ATP5MC1: variants seen among roughly 807,000 people sequenced by gnomAD.
ATP5MC1 encodes the protein ATP synthase membrane subunit c locus 1, also known as ATP synthase F(0) complex subunit C1, mitochondrial.
ATP5MC1 carries 4 observed loss-of-function variants against 12.1 expected under a neutral mutation model. That is an observed-to-expected ratio of 0.33 (90% CI 0.16 to 0.76). The LOEUF is 0.76. ATP5MC1 is among the 30% of genes least tolerant of loss of function. ATP5MC1 has a pLI of 0.61. For missense variants in ATP5MC1, 117 were observed against 172.1 expected, an observed-to-expected ratio of 0.68 and a Z score of 1.79; for synonymous variants, 52 against 66.0, an observed-to-expected ratio of 0.79 and a Z score of 1.03.
chr17:48,893,378 A>G, intron 1 of ATP5MC1, 31 bp from the exon 2 acceptor site: 2 of 1,611,562 alleles, frequency 1.2e-6, no homozygotes, highest in Non-Finnish European at 1.7e-6. Context: ...TCTCAGTGGG[A>G]TTATTATTAC....
Position 48,893,466 on chromosome 17 carries a change from C to T in ATP5MC1, c.39+10C>T, listed in dbSNP as rs2143731101. Reference sequence around the variant, plus strand: ...CATTTCTCCAGCTCTGGTAAGGTGCCGCGCCGCAGTGCTCTGTAGTACCAG... The same window carrying T: ...CATTTCTCCAGCTCTGGTAAGGTGCTGCGCCGCAGTGCTCTGTAGTACCAG... On this transcript the variant is annotated intron_variant, in intron 2 of 4. Transcript: ENST00000393366. 1.9e-6 allele frequency: 3 copies of T among 1,613,720 alleles called. No homozygotes were observed. In the East Asian group the frequency reaches 6.7e-5, roughly 36 times the overall value.
intron 3 of ATP5MC1, 155 bp from the exon 4 acceptor site, chr17:48,895,001 C>A: frequency 2.3e-6 from 2 of 875,712 alleles, no homozygotes; most frequent in Non-Finnish European, 3.6e-6. Flanking sequence ...GACTAATTCC[C>A]AGCATACTCT....
At chr17:48,895,536 C>G in intron 4 of ATP5MC1, 119 bp from the exon 5 acceptor site, 1 of 1,279,834 alleles carries the variant, frequency 7.8e-7, no homozygotes, top group Non-Finnish European at 1.1e-6. Flanking sequence ...TCCCCAGGAT[C>G]TGTGCAGGCT....
At chr17:48,894,919 C>CT in intron 3 of ATP5MC1, 1 of 652,222 alleles carries the variant, frequency 1.5e-6, no homozygotes, top group Non-Finnish European at 2.8e-6. Flanking sequence ...AGGTAAGAAA[C>CT]TTATAAAAGT....
At position 48,894,374 on chromosome 17, in the gene ATP5MC1, C is replaced by T. The variant is rs1213151353; in HGVS notation, c.42C>T (p.Ile14=). The change falls in exon 3 of 5, where the codon ATC becomes ATT. Residue 14 remains isoleucine (I), a splice_region_variant and synonymous_variant. Transcript: ENST00000393366. ...GATGTGGCTTTCTGATTTTACAGAT[C>T]CGCTGTTGTACCAGGGGTCTAATCA... ...AGALFISPAL[I]RCCTRGLIRP... is the part of the protein sequence containing the mutation. 1 of 1,613,848 alleles carries T rather than the reference C, an allele frequency of 6.2e-7. No individual in the cohort carries two copies. Among genetic ancestry groups the T allele is most frequent in the Non-Finnish European group, 8.5e-7 (1 of 1,179,920 alleles).
Position 48,894,353 on chromosome 17 carries a change from T to C in ATP5MC1, c.40-19T>C, listed in dbSNP as rs766284135. ...TTTCCTTGACTGATTTGGTAGGATGTGGCTTTCTGATTTTACAGATCCGCT... is the reference window on the plus strand; with the variant it reads ...TTTCCTTGACTGATTTGGTAGGATGCGGCTTTCTGATTTTACAGATCCGCT... On this transcript the variant is annotated intron_variant, in intron 2 of 4. Transcript: ENST00000393366. The C allele has an allele frequency of 6.2e-7, 1 of 1,613,240 alleles. No individual in the cohort carries two copies. Among genetic ancestry groups the C allele is most frequent in the Non-Finnish European group, 8.5e-7 (1 of 1,179,638 alleles).
At chr17:48,895,420 CCTTCAGGTTGATTTCAT>C in intron 4 of ATP5MC1, 86 bp downstream of exon 4, 1 of 1,498,828 alleles carries the variant, frequency 6.7e-7, no homozygotes, top group South Asian at 1.3e-5. Flanking sequence ...CCTTCAGGAG[CCTTCAGGTTGATTTCAT>C]CTACATCATA....
In ATP5MC1 at chr17:48,893,555, A is replaced by G. The variant is rs528494411; in HGVS notation, c.39+99A>G. The G allele has an allele frequency of 1.4e-4, 196 of 1,378,388 alleles. No homozygotes were observed. The African/African-American group carries it at 2.5e-3, about 18-fold the overall frequency. 85.4% of individuals were successfully genotyped at this position (1,378,388 alleles called of 1,614,324 possible). On this transcript the variant is annotated intron_variant, in intron 2 of 4. Transcript: ENST00000393366. ...CCCAGGGGAGCTTGGCGTCCTGATG[A>G]TGTAGGCTCTTTGAGGTGGCTGTAG...
chr17:48,895,471 C>A, intron 4 of ATP5MC1, 137 bp downstream of exon 4: 2 of 1,383,070 alleles, frequency 1.4e-6, no homozygotes, highest in Non-Finnish European at 2.0e-6. Context: ...AAACATGCAT[C>A]CAGCCTGGCT....
At position 48,893,397 on chromosome 17, in the gene ATP5MC1, C is replaced by A. The variant is rs747592686; in HGVS notation, c.-9-12C>A. On this transcript the variant is annotated splice_polypyrimidine_tract_variant and intron_variant, in intron 1 of 4. Transcript: ENST00000393366. ...AGTGGGATTATTATTACTATTTTTT[C>A]CCCCTCTGCAGACTGAAAAAATGCA... The A allele has an allele frequency of 2.5e-6, 4 of 1,612,136 alleles. No homozygotes were observed. Among genetic ancestry groups the A allele is most frequent in the Non-Finnish European group, 3.4e-6 (4 of 1,179,492 alleles).
chr17:48,894,923 T>C (rs963234307), intron 3 of ATP5MC1: 17 of 656,994 alleles, frequency 2.6e-5, no homozygotes, highest in Non-Finnish European at 4.5e-5. Context: ...AAGAAACTTA[T>C]AAAAGTGAGG....
intron 1 of ATP5MC1, 91 bp from the exon 2 acceptor site, chr17:48,893,318 G>A (rs2040546011): frequency 8.9e-6 from 12 of 1,347,554 alleles, no homozygotes; most frequent in Non-Finnish European, 1.1e-5. Context: ...GAGGACGGAC[G>A]GGGGTGAAGG....
intron 2 of ATP5MC1, chr17:48,893,713 A>C: frequency 1.8e-6 from 1 of 559,764 alleles, no homozygotes; most frequent in East Asian, 3.0e-5. Context: ...CCACTAAAAC[A>C]GTGGTTTTCA....
At chr17:48,893,880 G>A (rs1406930754) in intron 2 of ATP5MC1, 1 of 228,502 alleles carries the variant, frequency 4.4e-6, no homozygotes, top group East Asian at 1.1e-4. Context: ...GTGCAGCCAA[G>A]TTTGAGAACC....
Position 48,895,293 on chromosome 17 carries a change from C to A in ATP5MC1, c.255C>A (p.Gly85=), listed in dbSNP as rs781173236. 8 of 1,604,888 alleles carry A rather than the reference C, an allele frequency of 5.0e-6. No individual in the cohort carries two copies. In the South Asian group the frequency reaches 8.8e-5, roughly 18 times the overall value. The change falls in exon 4 of 5, where the codon GGC becomes GGA. Residue 85 remains glycine, a synonymous_variant. Transcript: ENST00000393366. ...TTGGTGTGGCTGGTTCAGGGGCTGG[C>A]ATTGGAACCGTGTTTGGCAGCTTGA... ...ATVGVAGSGA[G]IGTVFGSLII... is the part of the protein sequence containing the mutation.
chr17:48,893,213 T>C, intron 1 of ATP5MC1, 196 bp from the exon 2 acceptor site: 1 of 553,896 alleles, frequency 1.8e-6, no homozygotes, highest in South Asian at 2.5e-5. Flanking sequence ...ACTTCCGATC[T>C]CCATGACTTT....
In ATP5MC1 at chr17:48,895,175, C is replaced by A. The variant is rs745820931; in HGVS notation, c.137C>A (p.Pro46Gln). The A allele has an allele frequency of 1.2e-5, 20 of 1,606,210 alleles. No individual in the cohort carries two copies. Among genetic ancestry groups the A allele is most frequent in the Non-Finnish European group, 1.5e-5 (18 of 1,173,808 alleles). ...SSKQPSYSNF[P>Q]LQVARREFQT... is the part of the protein sequence containing the mutation. ...TTCTAGCCTTCCTACAGCAACTTCC[C>A]ACTCCAGGTGGCCAGACGGGAGTTC... Residue 46 changes from proline to glutamine, a missense_variant, in exon 4 of 5, where the codon CCA becomes CAA. Physicochemically the swap from Pro to Gln is moderately conservative, Grantham distance 76. Transcript: ENST00000393366.
intron 2 of ATP5MC1, 77 bp downstream of exon 2, chr17:48,893,533 A>G (rs2040548137): frequency 7.1e-6 from 11 of 1,553,496 alleles, no homozygotes; most frequent in African/African-American, 1.4e-5. Context: ...GAATGAACCC[A>G]GGGGAGCTTG....
At chr17:48,895,132 C>G (rs201557769) in intron 3 of ATP5MC1, 24 bp from the exon 4 acceptor site, 2 of 1,589,754 alleles carry the variant, frequency 1.3e-6, no homozygotes, top group South Asian at 1.1e-5. Flanking sequence ...TCTGCTATCT[C>G]GCCTGCCTTG....
Sources: gnomAD v4.1 joint callset for allele counts on GRCh38, gnomAD v4.1.1 for gene constraint, MANE v1.5 for transcripts, NCBI Gene and HGNC (gene_info 2026-07-23, HGNC 2026-07-21) for gene names.